TMEM209: variants seen among roughly 807,000 people sequenced by gnomAD.
The protein encoded by TMEM209 is transmembrane protein 209.
A neutral mutation model predicts 76.2 loss-of-function variants in TMEM209; 65 were observed. The ratio of observed to expected loss-of-function variants is 0.85; its 90% CI spans 0.70 to 1.05. The LOEUF is 1.05. TMEM209 is among the 50% of genes least tolerant of loss of function. The pLI, the probability that TMEM209 is intolerant of heterozygous loss-of-function variation, is 0.00. For missense variants in TMEM209, 623 were observed against 685.5 expected, an observed-to-expected ratio of 0.91 and a Z score of 1.02; for synonymous variants, 239 against 237.6, an observed-to-expected ratio of 1.01 and a Z score of -0.06.
intron 9 of TMEM209, among the ~76,000 whole-genome samples, chr7:130,178,937 C>T (rs1288082260): frequency 6.6e-6 from 1 of 152,094 alleles, no homozygotes; most frequent in African/African-American, 2.4e-5. Context: ...TGCCACCACA[C>T]CTGGTTCACT....
At chr7:130,201,083 T>C (rs2697013) in intron 5 of TMEM209, among the ~76,000 whole-genome samples, 29,904 of 99,852 alleles carry the variant, frequency 0.3, 4,158 homozygotes, top group East Asian at 0.62. Context: ...AGCGAGACTC[T>C]GTCTCAAAAA....
At chr7:130,199,740 G>C (rs1020168214) in intron 5 of TMEM209, 8 of 152,022 alleles carry the variant, frequency 5.3e-5, no homozygotes, top group African/African-American at 1.9e-4. Flanking sequence ...TTATATTTTG[G>C]TGGTGTCACT....
chr7:130,190,406 T>A (rs1797753160), intron 6 of TMEM209, among the ~76,000 whole-genome samples: 2 of 151,676 alleles, frequency 1.3e-5, no homozygotes. Context: ...TAATCCTAGC[T>A]ACTTGGAAAG....
chr7:130,203,384 C>G (rs1043842150), intron 3 of TMEM209, among the ~76,000 whole-genome samples: 1 of 152,062 alleles, frequency 6.6e-6, no homozygotes, highest in East Asian at 1.9e-4. Flanking sequence ...ACTCTTTATA[C>G]CCAATGACTA....
At chr7:130,190,301 T>C (rs1797749793) in intron 6 of TMEM209, among the ~76,000 whole-genome samples, 1 of 152,136 alleles carries the variant, frequency 6.6e-6, no homozygotes. Flanking sequence ...GCAGATCACC[T>C]GAGGTCAGGA....
chr7:130,192,535 T>C (rs1447337542), intron 6 of TMEM209, 87 bp downstream of exon 6: 1 of 1,108,858 alleles, frequency 9.0e-7, no homozygotes, highest in East Asian at 2.6e-5. Context: ...TAAAGTATGT[T>C]AGTATGGATA....
intron 5 of TMEM209, among the ~76,000 whole-genome samples, chr7:130,201,132 A>G (rs928443703): frequency 1.3e-5 from 2 of 150,394 alleles, no homozygotes; most frequent in Non-Finnish European, 3.0e-5. Flanking sequence ...ATGTAAATGG[A>G]TAAGGGCAGA....
Position 130,192,790 on chromosome 7 carries a change from A to G in TMEM209, c.607T>C (p.Tyr203His), listed in dbSNP as rs1454832982. The change falls in exon 6 of 15, where the codon TAC (tyrosine) becomes CAC (histidine). Residue 203 changes from tyrosine (Y) to histidine (H), a missense_variant. Physicochemically the swap from Tyr to His is moderately conservative, Grantham distance 83. Transcript: ENST00000397622. The part of the protein sequence containing the change: ...ASFSPSPPSP[Y>H]PTTVGPVESS... ...TCCACTGGTCCAACAGTGGTAGGGT[A>G]CGGAGAAGGAGGAGAGGGGCTAAAG... The G allele has an allele frequency of 6.2e-7, 1 of 1,613,972 alleles. No individual in the cohort carries two copies. The highest frequency in any genetic ancestry group is 8.5e-7 in the Non-Finnish European group (1 of 1,179,862).
At position 130,185,221 on chromosome 7, in the gene TMEM209, C is replaced by G; in HGVS notation, c.922G>C (p.Asp308His). 1 of 1,613,566 alleles carries G rather than the reference C, an allele frequency of 6.2e-7. No homozygotes were observed. Among genetic ancestry groups the G allele is most frequent in the Non-Finnish European group, 8.5e-7 (1 of 1,179,632 alleles). The change falls in exon 7 of 15, where the codon GAT becomes CAT. Residue 308 changes from aspartate to histidine, a missense_variant. Physicochemically the swap from Asp to His is moderately conservative, Grantham distance 81. Transcript: ENST00000397622. ...QAPCANKDEA[D>H]LSSKQAAEEV... Reference sequence around the variant, plus strand: ...TCTGCGGCTTGTTTAGAGCTGAGATCGGCTTCATCTTTGTTAGCACATGGG... The same window carrying G: ...TCTGCGGCTTGTTTAGAGCTGAGATGGGCTTCATCTTTGTTAGCACATGGG...
rs747458552 is a variant in TMEM209 at position 130,185,202 on chromosome 7, G to A, written c.941C>T (p.Ala314Val). ...TTATTTTCCACTTACCTCTTCTGCG[G>A]CTTGTTTAGAGCTGAGATCGGCTTC... ...KDEADLSSKQ[A>V]AEEVWARVAM... The change falls in exon 7 of 15, where the codon GCC (alanine) becomes GTC (valine). Residue 314 changes from alanine (A) to valine (V), a missense_variant. By Grantham distance (64) the Ala-to-Val change is moderately conservative. Transcript: ENST00000397622. The A allele has an allele frequency of 2.5e-6, 4 of 1,612,072 alleles. No individual in the cohort carries two copies. The highest frequency in any genetic ancestry group is 1.3e-5 in the African/African-American group (1 of 74,858).
chr7:130,187,532 T>TG (rs1468299682), intron 6 of TMEM209, among the ~76,000 whole-genome samples: 1 of 151,598 alleles, frequency 6.6e-6, no homozygotes, highest in Admixed American at 6.6e-5. Flanking sequence ...CCCTAGTCCC[T>TG]GGTCCTGGTA....
At chr7:130,189,346 T>A (rs1019445565) in intron 6 of TMEM209, among the ~76,000 whole-genome samples, 1 of 152,174 alleles carries the variant, frequency 6.6e-6, no homozygotes, top group Admixed American at 6.5e-5. Flanking sequence ...CAGGCTCGCG[T>A]CACCAAGCCT....
intron 9 of TMEM209, among the ~76,000 whole-genome samples, chr7:130,180,853 G>T (rs1307109110): frequency 6.6e-6 from 1 of 152,152 alleles, no homozygotes; most frequent in Non-Finnish European, 1.5e-5. Flanking sequence ...CCCCATACAC[G>T]CTGGTGGGAA....
Position 130,184,237 on chromosome 7 carries a change from T to C in TMEM209, c.970A>G (p.Met324Val). 5.0e-6 allele frequency: 8 copies of C among 1,607,508 alleles called. No individual in the cohort carries two copies. The highest frequency in any genetic ancestry group is 6.8e-6 in the Non-Finnish European group (8 of 1,177,310). Residue 324 changes from methionine (M) to valine (V), a missense_variant, in exon 8 of 15, where the codon ATG becomes GTG. Coordinates refer to ENST00000397622, the MANE Select transcript of TMEM209 (RefSeq NM_032842.4). ...AAEEVWARVAMNRQLLDHMDS... is the reference protein window; with the variant it reads ...AAEEVWARVAVNRQLLDHMDS... ...ATATGATCAAGAAGTTGTCTATTCA[T>C]AGCCACTCTTGCCCAGACCTATAAA...
At chr7:130,204,826 T>A in intron 1 of TMEM209, 1 of 615,780 alleles carries the variant, frequency 1.6e-6, no homozygotes, top group Non-Finnish European at 2.0e-6. Context: ...ATATCTGCTG[T>A]AAGTCATAAA....
chr7:130,203,688 C>T, intron 3 of TMEM209, 100 bp downstream of exon 3: 1 of 1,059,636 alleles, frequency 9.4e-7, no homozygotes, highest in Non-Finnish European at 1.4e-6. Context: ...AGCAGGCAGT[C>T]AAATACTTGT....
intron 6 of TMEM209, 25 bp from the exon 7 acceptor site, chr7:130,185,392 T>C: frequency 6.2e-7 from 1 of 1,605,428 alleles, no homozygotes; most frequent in African/African-American, 1.3e-5. Context: ...ATAAACAGTA[T>C]CAGTGTGTTG....
chr7:130,200,909 G>A lies in TMEM209; in HGVS notation c.573+941C>T, dbSNP rs574916519. On this transcript the variant is annotated intron_variant, in intron 5 of 14. Coordinates refer to ENST00000397622, the MANE Select transcript of TMEM209 (RefSeq NM_032842.4). ...TCGAGACCATCCTGGCTAACATGGC[G>A]AAACCCCGTCTCTACTGAAAGTACA... Among the ~76,000 whole-genome samples the A allele has an allele frequency of 7.2e-5, 11 of 151,800 alleles. No homozygotes were observed. In the East Asian group the frequency reaches 1.7e-3, roughly 24 times the overall value.
At chr7:130,197,382 T>C (rs1403167159) in intron 5 of TMEM209, among the ~76,000 whole-genome samples, 3 of 152,204 alleles carry the variant, frequency 2.0e-5, no homozygotes, top group Non-Finnish European at 2.9e-5. Context: ...AAAGGACAAA[T>C]ACTGTATGAT....
Sources: allele counts gnomAD v4.1 joint callset (sites outside exome capture counted in the v4.1 genomes callset), GRCh38; gene constraint gnomAD v4.1.1; transcripts MANE v1.5; gene names NCBI Gene and HGNC (gene_info 2026-07-23, HGNC 2026-07-21).